Variants in MTUS2 observed in about 807,000 individuals in gnomAD.
The protein encoded by MTUS2 is microtubule-associated tumor suppressor candidate 2.
In MTUS2, 40 loss-of-function variants were observed where a neutral mutation model predicts 114.1. The ratio of observed to expected loss-of-function variants is 0.35; its 90% CI spans 0.27 to 0.46. The LOEUF is 0.46. Among genes scored for constraint, MTUS2 ranks in the 20% least tolerant of loss-of-function variants. The pLI, the probability that MTUS2 is intolerant of heterozygous loss-of-function variation, is 1.00. For synonymous variants in MTUS2, 688 were observed against 672.0 expected (o/e 1.02, Z -0.37); for missense variants, 1,679 against 1,705.4 (o/e 0.98, Z 0.27).
chr13:29,371,554 C>G (rs1040354530), intron 8 of MTUS2, among the ~76,000 whole-genome samples: 7 of 152,020 alleles, frequency 4.6e-5, no homozygotes, highest in Non-Finnish European at 7.4e-5. Flanking sequence ...TATTTTGATA[C>G]CCATGTTATA....
intron 4 of MTUS2, among the ~76,000 whole-genome samples, chr13:29,056,706 T>A (rs1002325039): frequency 1.3e-5 from 2 of 152,148 alleles, no homozygotes; most frequent in African/African-American, 2.4e-5. Flanking sequence ...TCTCTTTTTT[T>A]AATTAATCTA....
At chr13:29,079,146 A>G (rs1565996461) in intron 4 of MTUS2, among the ~76,000 whole-genome samples, 1 of 151,966 alleles carries the variant, frequency 6.6e-6, no homozygotes, top group Non-Finnish European at 1.5e-5. Context: ...TGATTATGGC[A>G]TTGATTTGCA....
chr13:29,051,405 G>A (rs1887890294), intron 4 of MTUS2, among the ~76,000 whole-genome samples: 2 of 152,112 alleles, frequency 1.3e-5, no homozygotes, highest in Non-Finnish European at 2.9e-5. Flanking sequence ...CTCCCTTTTG[G>A]GAATTCTTGT....
chr13:29,234,898 A>G (rs1319942683), intron 5 of MTUS2, among the ~76,000 whole-genome samples: 2 of 152,058 alleles, frequency 1.3e-5, no homozygotes, highest in East Asian at 1.9e-4. Context: ...AGTTAAATTT[A>G]TATACAAGTT....
At chr13:29,501,903 G>A (rs562747633) in intron 15 of MTUS2, among the ~76,000 whole-genome samples, 53 of 152,132 alleles carry the variant, frequency 3.5e-4, no homozygotes, top group South Asian at 1.0e-3. Flanking sequence ...ATACACTTAC[G>A]CACACACTCA....
At chr13:29,499,345 G>GAAAA (rs1372410405) in intron 14 of MTUS2, among the ~76,000 whole-genome samples, 66 of 152,210 alleles carry the variant, frequency 4.3e-4, no homozygotes, top group Admixed American at 2.1e-3. Context: ...GTGTGCAAAG[G>GAAAA]GAGTGGAGGA....
chr13:29,100,695 C>T (rs548482051), intron 4 of MTUS2, 78 bp from the exon 5 acceptor site: 15 of 1,466,952 alleles, frequency 1.0e-5, no homozygotes, highest in South Asian at 1.0e-4. Context: ...GAACTGGGTT[C>T]GAATTCATAA....
At chr13:28,851,701 G>A (rs937630468) in intron 2 of MTUS2, among the ~76,000 whole-genome samples, 19 of 152,318 alleles carry the variant, frequency 1.2e-4, no homozygotes, top group African/African-American at 4.3e-4. Flanking sequence ...GGAGCACCTG[G>A]TAGAGAGATG....
chr13:29,216,092 T>TA (rs1184710936), intron 5 of MTUS2, among the ~76,000 whole-genome samples: 1 of 152,198 alleles, frequency 6.6e-6, no homozygotes, highest in African/African-American at 2.4e-5. Context: ...AGGAGGAATC[T>TA]AGAGAGGTAG....
intron 15 of MTUS2, among the ~76,000 whole-genome samples, chr13:29,502,758 G>A (rs374328566): frequency 1.3e-4 from 20 of 152,334 alleles, no homozygotes; most frequent in Middle Eastern, 3.4e-3. Flanking sequence ...TCCCCTGACC[G>A]GGCAGAGGGC....
intron 9 of MTUS2, among the ~76,000 whole-genome samples, chr13:29,447,745 G>T (rs3924317): frequency 6.6e-6 from 1 of 151,842 alleles, no homozygotes; most frequent in Non-Finnish European, 1.5e-5. Context: ...GGTGGTGGTG[G>T]TTGTGGGGAT....
chr13:29,105,282 G>T (rs1268554725), intron 5 of MTUS2, among the ~76,000 whole-genome samples: 1 of 152,232 alleles, frequency 6.6e-6, no homozygotes, highest in Non-Finnish European at 1.5e-5. Flanking sequence ...TGGGTAGGCA[G>T]ATGCGACTTA....
At chr13:29,378,303 AAAG>A (rs1187419502) in intron 8 of MTUS2, among the ~76,000 whole-genome samples, 1 of 150,500 alleles carries the variant, frequency 6.6e-6, no homozygotes, top group Non-Finnish European at 1.5e-5. Context: ...AAAAAAGAAA[AAAG>A]CGATAATTCA....
chr13:29,176,973 G>A (rs769944408), intron 5 of MTUS2, among the ~76,000 whole-genome samples: 17 of 151,150 alleles, frequency 1.1e-4, no homozygotes, highest in South Asian at 2.1e-4. Flanking sequence ...TAGAGAGATT[G>A]TAGGGAGATT....
chr13:29,129,393 G>A (rs1446601935), intron 5 of MTUS2, among the ~76,000 whole-genome samples: 1 of 152,088 alleles, frequency 6.6e-6, no homozygotes. Flanking sequence ...TTTCCCGAAG[G>A]TTGGATTCCC....
chr13:29,489,188 C>T (rs908122014), intron 11 of MTUS2, among the ~76,000 whole-genome samples: 1 of 152,016 alleles, frequency 6.6e-6, no homozygotes, highest in Admixed American at 6.6e-5. Flanking sequence ...GGAGAATCGC[C>T]TGAACCCTGG....
chr13:29,335,598 G>T (rs544608420), intron 7 of MTUS2, among the ~76,000 whole-genome samples: 1 of 152,184 alleles, frequency 6.6e-6, no homozygotes, highest in East Asian at 1.9e-4. Flanking sequence ...GCCAACATGT[G>T]ATATCTCCCC....
At chr13:29,153,227 A>T (rs1026016035) in intron 5 of MTUS2, among the ~76,000 whole-genome samples, 1 of 152,156 alleles carries the variant, frequency 6.6e-6, no homozygotes, top group Non-Finnish European at 1.5e-5. Flanking sequence ...CTAGCAAGAC[A>T]AGACAGTGCA....
chr13:29,039,672 G>C (rs1469615007), intron 4 of MTUS2, among the ~76,000 whole-genome samples: 2 of 152,164 alleles, frequency 1.3e-5, no homozygotes, highest in Non-Finnish European at 2.9e-5. Flanking sequence ...TTGACAGAAG[G>C]GTGCTGTCTT....
Sources: allele counts gnomAD v4.1 joint callset (sites outside exome capture counted in the v4.1 genomes callset), GRCh38; gene constraint gnomAD v4.1.1; transcripts MANE v1.5; gene names NCBI Gene and HGNC (gene_info 2026-07-23, HGNC 2026-07-21).